PAPSS1: variants seen among roughly 807,000 people sequenced by gnomAD.
PAPSS1 encodes 3'-phosphoadenosine 5'-phosphosulfate synthase 1.
A neutral mutation model predicts 72.0 loss-of-function variants in PAPSS1; 50 were observed. The observed-to-expected ratio is 0.69, with a 90% confidence interval of 0.55 to 0.88. The LOEUF is 0.88. Among genes scored for constraint, PAPSS1 ranks in the 40% least tolerant of loss-of-function variants. The pLI is 0.00. For synonymous variants in PAPSS1, 261 were observed against 263.6 expected, an observed-to-expected ratio of 0.99 and a Z score of 0.09; for missense variants, 657 against 782.2, an observed-to-expected ratio of 0.84 and a Z score of 1.91.
intron 11 of PAPSS1, among the ~76,000 whole-genome samples, chr4:107,626,167 G>C: frequency 7.4e-6 from 1 of 135,254 alleles, no homozygotes; most frequent in East Asian, 2.3e-4. Context: ...AAAAGAGTGA[G>C]ACTCTGTCTC....
intron 11 of PAPSS1, among the ~76,000 whole-genome samples, chr4:107,628,830 A>C (rs556570527): frequency 2.6e-5 from 4 of 152,330 alleles, no homozygotes; most frequent in South Asian, 4.1e-4. Flanking sequence ...GAGACAAGGA[A>C]ACAGGGCAGA....
At position 107,672,878 on chromosome 4, in the gene PAPSS1, T is replaced by C. The variant is rs574675528; in HGVS notation, c.669+9137A>G. ...TGAGAAAAAACTTCCAGAGGAACGA[T>C]CAGGCAGCAACATTTACTGCTCACC... On this transcript the variant is annotated intron_variant, in intron 5 of 11. Transcript: ENST00000265174. Among the ~76,000 whole-genome samples the C allele has an allele frequency of 2.0e-5, 3 of 152,214 alleles. No homozygotes were observed. The South Asian group carries it at 6.2e-4, about 32-fold the overall frequency.
chr4:107,668,821 A>G (rs187804744), intron 5 of PAPSS1, among the ~76,000 whole-genome samples: 1 of 152,264 alleles, frequency 6.6e-6, no homozygotes, highest in Non-Finnish European at 1.5e-5. Context: ...ATATGTACGT[A>G]TATTCCATTA....
chr4:107,718,006 T>C (rs899359655), intron 1 of PAPSS1, among the ~76,000 whole-genome samples: 1 of 152,226 alleles, frequency 6.6e-6, no homozygotes, highest in Non-Finnish European at 1.5e-5. Context: ...ATTAATTCAT[T>C]TAAACCTTAC....
intron 5 of PAPSS1, among the ~76,000 whole-genome samples, chr4:107,670,806 G>A (rs2110329519): frequency 6.6e-6 from 1 of 152,122 alleles, no homozygotes; most frequent in East Asian, 1.9e-4. Context: ...CCAAAGTGCT[G>A]GGATTACAAG....
chr4:107,667,344 A>C (rs1338738855), intron 5 of PAPSS1, among the ~76,000 whole-genome samples: 3 of 152,070 alleles, frequency 2.0e-5, no homozygotes, highest in Admixed American at 2.0e-4. Context: ...GTAGCAAATA[A>C]AGCACTTTAC....
At chr4:107,692,347 T>G (rs1262835942) in intron 3 of PAPSS1, among the ~76,000 whole-genome samples, 1 of 152,080 alleles carries the variant, frequency 6.6e-6, no homozygotes, top group Non-Finnish European at 1.5e-5. Flanking sequence ...GACACTTCTC[T>G]TAAGAAGACA....
chr4:107,687,422 G>A (rs1237791312), intron 3 of PAPSS1, among the ~76,000 whole-genome samples: 1 of 152,128 alleles, frequency 6.6e-6, no homozygotes, highest in Admixed American at 6.5e-5. Context: ...GGAAAACAAT[G>A]AATGTACCAC....
intron 6 of PAPSS1, among the ~76,000 whole-genome samples, chr4:107,659,501 G>GTA (rs1355455461): frequency 6.6e-5 from 10 of 152,078 alleles, no homozygotes; most frequent in African/African-American, 2.2e-4. Context: ...CTACGCAGTT[G>GTA]TATTGGGAAA....
chr4:107,693,175 C>A (rs1435646263), intron 3 of PAPSS1, among the ~76,000 whole-genome samples: 1 of 152,108 alleles, frequency 6.6e-6, no homozygotes, highest in Non-Finnish European at 1.5e-5. Context: ...TGTTAAGGTA[C>A]CTAACCTAAG....
At chr4:107,705,200 T>TCA (rs1723308815) in intron 1 of PAPSS1, among the ~76,000 whole-genome samples, 1 of 152,220 alleles carries the variant, frequency 6.6e-6, no homozygotes, top group Non-Finnish European at 1.5e-5. Context: ...ATTCCCTCTT[T>TCA]AATTTTTTGG....
At chr4:107,717,259 A>C (rs2125945005) in intron 1 of PAPSS1, among the ~76,000 whole-genome samples, 1 of 152,254 alleles carries the variant, frequency 6.6e-6, no homozygotes, top group Admixed American at 6.5e-5. Context: ...GTAAATGTTG[A>C]ATTATATACA....
At position 107,693,757 on chromosome 4, in the gene PAPSS1, CA is replaced by C; in HGVS notation, c.411+13del. On this transcript the variant is annotated intron_variant, in intron 3 of 11. Transcript: ENST00000265174. ...AAATGTAAGCAGAAAGGCAATGGCA[CA>C]AAAACCACATACCTGAGTGTAAGGT... The C allele has an allele frequency of 6.3e-7, 1 of 1,591,398 alleles. No individual in the cohort carries two copies. The highest frequency in any genetic ancestry group is 8.6e-7 in the Non-Finnish European group (1 of 1,159,564).
intron 5 of PAPSS1, among the ~76,000 whole-genome samples, chr4:107,670,434 A>G (rs547842191): frequency 5.3e-5 from 8 of 152,358 alleles, no homozygotes; most frequent in African/African-American, 1.7e-4. Flanking sequence ...GGTGAACTTC[A>G]TAAGGACAAT....
chr4:107,642,283 A>T (rs1020927245), intron 10 of PAPSS1, among the ~76,000 whole-genome samples: 1 of 152,142 alleles, frequency 6.6e-6, no homozygotes, highest in African/African-American at 2.4e-5. Context: ...ATATAATATT[A>T]AAAATTATGT....
At chr4:107,675,588 C>T (rs1296863221) in intron 5 of PAPSS1, among the ~76,000 whole-genome samples, 1 of 152,142 alleles carries the variant, frequency 6.6e-6, no homozygotes, top group East Asian at 1.9e-4. Flanking sequence ...GATTCACAGC[C>T]AAATTCTACC....
At chr4:107,616,677 C>G (rs564544389) in intron 11 of PAPSS1, among the ~76,000 whole-genome samples, 1 of 152,228 alleles carries the variant, frequency 6.6e-6, no homozygotes, top group Middle Eastern at 3.4e-3. Context: ...ATTTGTGCTA[C>G]TACTTTGTTT....
chr4:107,713,293 C>A (rs1723544166), intron 1 of PAPSS1, among the ~76,000 whole-genome samples: 1 of 152,074 alleles, frequency 6.6e-6, no homozygotes, highest in South Asian at 2.1e-4. Context: ...CCCATAGAGA[C>A]AGAAAGTACA....
At chr4:107,618,373 A>ATTT (rs749711217) in intron 11 of PAPSS1, among the ~76,000 whole-genome samples, 1 of 143,790 alleles carries the variant, frequency 7.0e-6, no homozygotes, top group African/African-American at 2.5e-5. Flanking sequence ...TTGAGATGTG[A>ATTT]TTTTTTTTTT....
Sources: gnomAD v4.1 joint callset for allele counts (sites outside exome capture counted in the v4.1 genomes callset) on GRCh38, gnomAD v4.1.1 for gene constraint, MANE v1.5 for transcripts, NCBI Gene and HGNC (gene_info 2026-07-23, HGNC 2026-07-21) for gene names.